PDZD2: variants seen among roughly 807,000 people sequenced by gnomAD.
PDZD2 encodes PDZ domain containing 2.
A neutral mutation model predicts 220.7 loss-of-function variants in PDZD2; 90 were observed. That is an observed-to-expected ratio of 0.41 (90% CI 0.34 to 0.49). PDZD2 has a LOEUF of 0.49. PDZD2 is among the 20% of genes least tolerant of loss of function. The pLI is 0.28. For missense variants in PDZD2, 3,174 were observed against 3,608.5 expected (o/e 0.88, Z 3.08); for synonymous variants, 1,375 against 1,450.5 (o/e 0.95, Z 1.18).
intron 1 of PDZD2, among the ~76,000 whole-genome samples, chr5:31,794,631 T>C (rs992061753): frequency 1.3e-5 from 2 of 152,142 alleles, no homozygotes; most frequent in African/African-American, 4.8e-5. Context: ...GCTCTCAAAC[T>C]CCTGACCTCA....
chr5:31,768,726 T>C (rs1752173048), intron 1 of PDZD2, among the ~76,000 whole-genome samples: 1 of 151,810 alleles, frequency 6.6e-6, no homozygotes, highest in Non-Finnish European at 1.5e-5. Flanking sequence ...GGGTATGACA[T>C]TGAGCAGCTC....
Position 32,087,697 on chromosome 5 carries a change from G to A in PDZD2, c.4249G>A (p.Gly1417Arg). 6 of 1,613,072 alleles carry A rather than the reference G, an allele frequency of 3.7e-6. No individual in the cohort carries two copies. The highest frequency in any genetic ancestry group is 5.1e-6 in the Non-Finnish European group (6 of 1,179,084). The change falls in exon 20 of 25, where the codon GGG becomes AGG. Residue 1417 changes from glycine to arginine, a missense_variant. This residue lies in a region of PDZD2 where 1,861 missense variants were observed against 2,001.0 expected (regional missense o/e 0.93). Coordinates refer to ENST00000438447, the MANE Select transcript of PDZD2 (RefSeq NM_178140.4). The surrounding 1 kb of genome is among the most constrained non-coding windows in gnomAD (Gnocchi z 4.0). Reference protein sequence around the residue: ...CGHVSGHCCPGGSRESPVTDI... With the variant: ...CGHVSGHCCPRGSRESPVTDI... ...CCATGTCTCGGGGCACTGCTGCCCA[G>A]GGGGGAGTAGAGAGAGCCCTGTGAC... is the stretch of plus-strand genomic sequence containing the variant.
intron 1 of PDZD2, among the ~76,000 whole-genome samples, chr5:31,715,108 G>T (rs1000766845): frequency 1.3e-5 from 2 of 151,956 alleles, no homozygotes; most frequent in Non-Finnish European, 2.9e-5. Flanking sequence ...GTGGAACCTG[G>T]GTTGGTCCAT....
chr5:32,004,313 A>G (rs1752639755), intron 5 of PDZD2, among the ~76,000 whole-genome samples: 2 of 152,080 alleles, frequency 1.3e-5, no homozygotes, highest in African/African-American at 2.4e-5. Context: ...TGGACTGGGC[A>G]TGGTGGCTCA....
At position 32,000,502 on chromosome 5, in the gene PDZD2, T is replaced by C; in HGVS notation, c.1254+231T>C. Among the ~76,000 whole-genome samples the C allele has an allele frequency of 6.6e-6, 1 of 151,150 alleles. No homozygotes were observed. The highest frequency in any genetic ancestry group is 2.0e-4 in the East Asian group (1 of 4,952). On this transcript the variant is annotated intron_variant, in intron 5 of 24. Coordinates refer to ENST00000438447, the MANE Select transcript of PDZD2 (RefSeq NM_178140.4). The surrounding 1 kb of genome is among the most constrained non-coding windows in gnomAD (Gnocchi z 4.5). ...AAGTTTGTTTTTGTTTTTGTTTTTG[T>C]TTTTGTTTTTGTTTTTGTTTTTTTT... is the stretch of plus-strand genomic sequence containing the variant.
At chr5:31,957,323 G>T (rs1019804918) in intron 2 of PDZD2, among the ~76,000 whole-genome samples, 9 of 152,180 alleles carry the variant, frequency 5.9e-5, no homozygotes, top group African/African-American at 1.9e-4. Flanking sequence ...TCACGCAGTG[G>T]TTCAAGCTCT....
chr5:31,660,235 G>C (rs1035003808), intron 1 of PDZD2, among the ~76,000 whole-genome samples: 4 of 152,066 alleles, frequency 2.6e-5, no homozygotes, highest in Non-Finnish European at 5.9e-5. Context: ...AATAAATTTG[G>C]AGCCCAAGTT....
intron 14 of PDZD2, among the ~76,000 whole-genome samples, chr5:32,068,130 T>G (rs1356016985): frequency 2.8e-5 from 4 of 142,986 alleles, no homozygotes; most frequent in Non-Finnish European, 6.0e-5. Flanking sequence ...ATCATTCTTG[T>G]ACTTTTTCTG....
intron 1 of PDZD2, among the ~76,000 whole-genome samples, chr5:31,710,569 G>A (rs984311342): frequency 6.6e-6 from 1 of 152,144 alleles, no homozygotes; most frequent in Non-Finnish European, 1.5e-5. Context: ...TGTAATCTCA[G>A]CACTTCGGGA....
At position 32,074,167 on chromosome 5, in the gene PDZD2, C is replaced by T; in HGVS notation, c.3061C>T (p.Pro1021Ser). The T allele has an allele frequency of 2.5e-6, 4 of 1,614,184 alleles. No homozygotes were observed. In the South Asian group the frequency reaches 3.3e-5, roughly 13 times the overall value. The change falls in exon 18 of 25, where the codon CCC becomes TCC. Residue 1021 changes from proline to serine, a missense_variant. Transcript: ENST00000438447. ...GMDVHNQEER[P>S]RKTLVSKAIS... Reference sequence around the variant, plus strand: ...GGACGTCCACAACCAAGAGGAACGACCCCGGAAAACACTGGTGAGCAAGGC... The same window carrying T: ...GGACGTCCACAACCAAGAGGAACGATCCCGGAAAACACTGGTGAGCAAGGC...
At chr5:31,826,822 C>T (rs10035850) in intron 2 of PDZD2, among the ~76,000 whole-genome samples, 67,120 of 151,942 alleles carry the variant, frequency 0.44, 15,146 homozygotes, top group Non-Finnish European at 0.49. Flanking sequence ...AGGTAAGAGG[C>T]GAGTATTATT....
chr5:32,082,331 C>T (rs1268096530), intron 19 of PDZD2, among the ~76,000 whole-genome samples: 3 of 152,040 alleles, frequency 2.0e-5, no homozygotes, highest in Non-Finnish European at 4.4e-5. Context: ...CAAAACATAT[C>T]TTTTTTAAAA....
intron 2 of PDZD2, among the ~76,000 whole-genome samples, chr5:31,944,052 G>A (rs1746431985): frequency 1.3e-5 from 2 of 152,152 alleles, no homozygotes; most frequent in Admixed American, 1.3e-4. Context: ...CAACTATGTT[G>A]CTAGATCTTT....
chr5:31,679,586 C>A (rs1746573244), intron 1 of PDZD2, among the ~76,000 whole-genome samples: 2 of 152,226 alleles, frequency 1.3e-5, no homozygotes, highest in African/African-American at 4.8e-5. Flanking sequence ...TGGCTTACTG[C>A]AACCTCAACC....
chr5:32,004,745 A>T (rs1752672309), intron 5 of PDZD2, among the ~76,000 whole-genome samples: 1 of 152,252 alleles, frequency 6.6e-6, no homozygotes, highest in East Asian at 1.9e-4. Flanking sequence ...AATAAAATAT[A>T]AAGAACACTA....
chr5:31,997,384 T>C (rs1244961568), intron 4 of PDZD2, among the ~76,000 whole-genome samples: 1 of 152,162 alleles, frequency 6.6e-6, no homozygotes, highest in Non-Finnish European at 1.5e-5. Flanking sequence ...TCATCAGTTC[T>C]TTTATTACAG....
chr5:31,996,624 G>T (rs1263450430), intron 4 of PDZD2, among the ~76,000 whole-genome samples: 1 of 152,036 alleles, frequency 6.6e-6, no homozygotes, highest in East Asian at 1.9e-4. Flanking sequence ...ACGAGAATGG[G>T]TTGAACCTAG....
chr5:32,046,518 C>T (rs1737986336), intron 7 of PDZD2, among the ~76,000 whole-genome samples: 1 of 151,952 alleles, frequency 6.6e-6, no homozygotes. Context: ...GCTGGGATTA[C>T]AGGCATGAGC....
chr5:32,026,399 A>G (rs1754666635), intron 6 of PDZD2, among the ~76,000 whole-genome samples: 1 of 151,828 alleles, frequency 6.6e-6, no homozygotes, highest in South Asian at 2.1e-4. Context: ...CCGCCTCCCA[A>G]AGTGCTGAGA....
Sources: gnomAD v4.1 joint callset for allele counts (sites outside exome capture counted in the v4.1 genomes callset) on GRCh38, gnomAD v4.1.1 for gene constraint, gnomAD v4.1.1 regional missense constraint, Gnocchi (gnomAD v3.1) non-coding constraint, MANE v1.5 for transcripts, NCBI Gene and HGNC (gene_info 2026-07-23, HGNC 2026-07-21) for gene names.